Variants in CHFR observed in about 807,000 individuals in gnomAD.
The protein encoded by CHFR is E3 ubiquitin-protein ligase CHFR.
A neutral mutation model predicts 87.6 loss-of-function variants in CHFR; 57 were observed. The ratio of observed to expected loss-of-function variants is 0.65; its 90% CI spans 0.53 to 0.81. The LOEUF (loss-of-function observed/expected upper bound fraction) is 0.81. Among genes scored for constraint, CHFR ranks in the 30% least tolerant of loss-of-function variants. The pLI, the probability that CHFR is intolerant of heterozygous loss-of-function variation, is 0.00. For missense variants in CHFR, 797 were observed against 865.8 expected (o/e 0.92, Z 1.00); for synonymous variants, 381 against 359.2 (o/e 1.06, Z -0.69).
In CHFR at chr12:132,844,030, G is replaced by A. The variant is rs76224039; in HGVS notation, c.1840C>T (p.Pro614Ser). The change falls in exon 16 of 18, where the codon CCA becomes TCA. Residue 614 changes from proline (P) to serine (S), a missense_variant. Physicochemically the swap from Pro to Ser is moderately conservative, Grantham distance 74 (BLOSUM62 -1). Transcript: ENST00000450056. ...GAGGAAGTCGGGGGCTCCTTACCTG[G>A]CAACTCGGAAGCAGGAATGTTCTGC... is the stretch of plus-strand genomic sequence containing the variant. The part of the protein sequence containing the change: ...YRQNIPASEL[P>S]VAVTSRPDCY... 6 of 1,609,650 alleles carry A rather than the reference G, an allele frequency of 3.7e-6. No homozygotes were observed. In the Admixed American group the frequency reaches 6.7e-5, roughly 18 times the overall value.
intron 10 of CHFR, chr12:132,854,190 A>G (rs972052194): frequency 6.6e-6 from 1 of 152,288 alleles, no homozygotes; most frequent in Non-Finnish European, 1.5e-5. Flanking sequence ...AACAAGGCAC[A>G]GTGAAAAGAC....
intron 3 of CHFR, among the ~76,000 whole-genome samples, chr12:132,874,528 G>A (rs916141501): frequency 1.3e-5 from 2 of 151,638 alleles, no homozygotes; most frequent in African/African-American, 2.4e-5. Flanking sequence ...CCAGCACCCA[G>A]CGCGGGGAAG....
intron 3 of CHFR, among the ~76,000 whole-genome samples, chr12:132,873,974 A>G (rs1448356126): frequency 6.6e-6 from 1 of 152,104 alleles, no homozygotes; most frequent in Admixed American, 6.6e-5. Context: ...GCTTATGCTC[A>G]GGGGCCCCTA....
At chr12:132,858,325 A>C (rs1951130237) in intron 8 of CHFR, among the ~76,000 whole-genome samples, 1 of 151,870 alleles carries the variant, frequency 6.6e-6, no homozygotes, top group South Asian at 2.1e-4. Context: ...ACACCACTAC[A>C]CTCCAGCCTG....
Position 132,853,572 on chromosome 12 carries a change from G to A in CHFR, c.1231C>T (p.Gln411Ter). ...CACTGCCGGCACACGACGTATGGCT[G>A]GCTGCAAGGAAGCACAGGGCCGAGC... ...DVDSESSDIS[Q>*]PYVVCRQCPE... Residue 411 changes from glutamine (Q) to a stop codon, truncating the protein, a stop_gained and splice_region_variant, in exon 11 of 18, where the codon CAG becomes TAG. Coordinates refer to ENST00000450056, the MANE Select transcript of CHFR (RefSeq NM_001161346.2). LOFTEE classifies it high-confidence loss of function. 1 of 1,528,702 alleles carries A rather than the reference G, an allele frequency of 6.5e-7. No individual in the cohort carries two copies. The highest frequency in any genetic ancestry group is 1.2e-5 in the South Asian group (1 of 82,214). 94.7% of individuals were successfully genotyped at this position (1,528,702 alleles called of 1,614,324 possible).
At position 132,887,297 on chromosome 12, in the gene CHFR, G is replaced by A; in HGVS notation, c.32C>T (p.Pro11Leu). 6.7e-7 allele frequency: 1 copy of A among 1,484,042 alleles called. No homozygotes were observed. Among genetic ancestry groups the A allele is most frequent in the African/African-American group, 1.5e-5 (1 of 68,292 alleles). The allele number at this position is 1,484,042 out of a possible 1,614,324, so 91.9% of individuals were successfully genotyped here. The stretch of plus-strand genomic sequence containing the variant: ...GAGCCGTCCCCAGGGCTGCGGCGGC[G>A]GCGACTGCTTGCCTTCCTCGGGCCG... MERPEEGKQSPPPQPWGRLLR... is the reference protein window; with the variant it reads MERPEEGKQSLPPQPWGRLLR... Residue 11 changes from proline to leucine, a missense_variant, in exon 2 of 18, where the codon CCG becomes CTG. Coordinates refer to ENST00000450056, the MANE Select transcript of CHFR (RefSeq NM_001161346.2).
In CHFR at chr12:132,853,586, A is replaced by AC; in HGVS notation, c.1230-14dup. The AC allele has an allele frequency of 6.6e-7, 1 of 1,525,226 alleles. No homozygotes were observed. The highest frequency in any genetic ancestry group is 8.8e-7 in the Non-Finnish European group (1 of 1,140,320). 94.5% of individuals were successfully genotyped at this position (1,525,226 alleles called of 1,614,324 possible). On this transcript the variant is annotated splice_polypyrimidine_tract_variant and intron_variant, in intron 10 of 17. Coordinates refer to ENST00000450056, the MANE Select transcript of CHFR (RefSeq NM_001161346.2). ...GACGTATGGCTGGCTGCAAGGAAGC[A>AC]CAGGGCCGAGCTGTGTGCAGGCCCC...
Position 132,865,562 on chromosome 12 carries a change from G to A in CHFR, c.584-3928C>T, listed in dbSNP as rs758853327. On this transcript the variant is annotated intron_variant, in intron 6 of 17. Coordinates refer to ENST00000450056, the MANE Select transcript of CHFR (RefSeq NM_001161346.2). ...TAATTTTTGTATTTTCAGTAGAGAC[G>A]GGGTTTCACCATGTTGGCCAGGTAG... Among the ~76,000 whole-genome samples the A allele has an allele frequency of 1.1e-3, 165 of 151,670 alleles. No homozygotes were observed. The Middle Eastern group carries it at 0.017, about 16-fold the overall frequency.
At chr12:132,887,404 C>T (rs1951925468) in intron 1 of CHFR, 64 bp from the exon 2 acceptor site, 2 of 1,176,570 alleles carry the variant, frequency 1.7e-6, no homozygotes, top group East Asian at 3.5e-5. Context: ...TCGGCGCCCG[C>T]CCCACCCCGC....
chr12:132,884,146 C>A (rs536715943), intron 2 of CHFR, among the ~76,000 whole-genome samples: 1 of 151,314 alleles, frequency 6.6e-6, no homozygotes, highest in South Asian at 2.1e-4. Flanking sequence ...AGGCCGGGCA[C>A]AGTGGCTCAC....
intron 12 of CHFR, among the ~76,000 whole-genome samples, chr12:132,850,964 CATATATATATAT>C (rs55826641): frequency 0.066 from 8,985 of 135,632 alleles, 864 homozygotes; most frequent in East Asian, 0.44. Context: ...TATGTGTGTG[CATATATATATAT>C]ATATATATAT....
At chr12:132,879,473 C>G (rs1951717098) in intron 2 of CHFR, among the ~76,000 whole-genome samples, 1 of 151,548 alleles carries the variant, frequency 6.6e-6, no homozygotes, top group Admixed American at 6.6e-5. Flanking sequence ...TCACTGCAAC[C>G]TCTGCCTCCC....
Position 132,835,588 on chromosome 12 carries a change from C to T in CHFR, c.*5966G>A, listed in dbSNP as rs747012753. On this transcript the variant is annotated 3_prime_UTR_variant, in exon 18 of 18. Coordinates refer to ENST00000450056, the MANE Select transcript of CHFR (RefSeq NM_001161346.2). ...GCATGAAGAGAAGATGACGTGAGAA[C>T]TCAAGGAGATGCTGCCCACGAGCCA... 1 of 178,676 alleles carries T rather than the reference C, an allele frequency of 5.6e-6. No homozygotes were observed. Among genetic ancestry groups the T allele is most frequent in the African/African-American group, 2.4e-5 (1 of 41,530 alleles). The allele number at this position is 178,676 out of a possible 1,614,324, so 11.1% of individuals were successfully genotyped here. A position where few individuals can be genotyped will look rare whatever the true frequency, so the allele number is the denominator to read the frequency against.
intron 12 of CHFR, chr12:132,849,882 C>G (rs1387436879): frequency 2.6e-5 from 4 of 152,226 alleles, no homozygotes; most frequent in African/African-American, 4.8e-5. Context: ...GAGCCCATGC[C>G]CAGCCTAGGT....
At chr12:132,847,822 A>G in intron 14 of CHFR, 4 of 1,322,302 alleles carry the variant, frequency 3.0e-6, no homozygotes, top group Non-Finnish European at 3.9e-6. Flanking sequence ...CGGGAACAAG[A>G]GCTGCGGGAA....
chr12:132,839,811 C>T lies in CHFR; in HGVS notation c.*1743G>A, dbSNP rs1469486487. 5.6e-6 allele frequency: 1 copy of T among 178,938 alleles called. No individual in the cohort carries two copies. The highest frequency in any genetic ancestry group is 2.4e-5 in the African/African-American group (1 of 41,288). 11.1% of individuals were successfully genotyped at this position (178,938 alleles called of 1,614,324 possible). A position where few individuals can be genotyped will look rare whatever the true frequency, so the allele number is the denominator to read the frequency against. On this transcript the variant is annotated 3_prime_UTR_variant, in exon 18 of 18. Transcript: ENST00000450056. ...TCACCCCTGCACTAACTAGGGACCT[C>T]CCCTCTCAGCCTCGCCCCTGCACAA...
intron 3 of CHFR, among the ~76,000 whole-genome samples, chr12:132,875,853 A>G (rs1378981973): frequency 1.3e-5 from 2 of 152,120 alleles, no homozygotes; most frequent in African/African-American, 4.8e-5. Context: ...ATGCAGTGAC[A>G]TGTGAAGCGC....
In CHFR at chr12:132,855,228, C is replaced by T. The variant is rs180709851; in HGVS notation, c.1229+1240G>A. ...CTGCACTCCAGCCTGGGCAACAGAG[C>T]GAGACTTTGTCTCGAAAAAAAAAAA... On this transcript the variant is annotated intron_variant, in intron 10 of 17. Transcript: ENST00000450056. 3.5e-4 allele frequency among the ~76,000 whole-genome samples: 48 copies of T among 136,472 alleles called. 2 individuals are homozygous for T. The South Asian group carries it at 3.7e-3, about 11-fold the overall frequency. 89.5% of individuals were successfully genotyped at this position (136,472 alleles called of 152,430 possible).
At chr12:132,860,954 T>C (rs1951197082) in intron 7 of CHFR, among the ~76,000 whole-genome samples, 1 of 152,358 alleles carries the variant, frequency 6.6e-6, no homozygotes, top group South Asian at 2.1e-4. Context: ...AGTTTCACCA[T>C]GTTGGCCAGG....
Sources: gnomAD v4.1 joint callset for allele counts (sites outside exome capture counted in the v4.1 genomes callset) on GRCh38, gnomAD v4.1.1 for gene constraint, MANE v1.5 for transcripts, NCBI Gene and HGNC (gene_info 2026-07-23, HGNC 2026-07-21) for gene names.